Variants in OR2C1 observed in about 807,000 individuals in gnomAD.
The protein encoded by OR2C1 is olfactory receptor 2C1.
For synonymous variants in OR2C1, 209 were observed against 167.3 expected (o/e 1.25, Z -1.92); for missense variants, 468 against 388.3 (o/e 1.21, Z -1.73).
chr16:3,349,821 G>C, the OR2C1 span, among the ~76,000 whole-genome samples: 1 of 151,792 alleles, frequency 6.6e-6, no homozygotes, highest in African/African-American at 2.4e-5. Flanking sequence ...AGAATAGCTT[G>C]AACCCAGGAG....
chr16:3,329,615 A>G, the OR2C1 span, among the ~76,000 whole-genome samples: 1 of 151,224 alleles, frequency 6.6e-6, no homozygotes, highest in African/African-American at 2.4e-5. Flanking sequence ...ACACCCGGCT[A>G]ATTTTTTGTA....
chr16:3,326,871 A>G, the OR2C1 span, among the ~76,000 whole-genome samples: 4 of 152,294 alleles, frequency 2.6e-5, no homozygotes, highest in South Asian at 2.1e-4. Context: ...AGCAGAATAG[A>G]GTGATAGAAA....
chr16:3,331,048 G>A, the OR2C1 span, among the ~76,000 whole-genome samples: 1 of 152,174 alleles, frequency 6.6e-6, no homozygotes, highest in Non-Finnish European at 1.5e-5. Context: ...TCCAGCACCT[G>A]TTGTTTCCTG....
upstream of OR2C1, among the ~76,000 whole-genome samples, chr16:3,352,479 T>C (rs867974309): frequency 6.6e-6 from 1 of 152,232 alleles, no homozygotes; most frequent in Non-Finnish European, 1.5e-5. Flanking sequence ...TTTAAACTTA[T>C]GAGTTTGAAT....
At chr16:3,323,364 G>C in the OR2C1 span, 2,641 of 1,060,406 alleles carry the variant, frequency 2.5e-3, 89 homozygotes, top group South Asian at 0.032. Context: ...TCATGAATGA[G>C]GTCTTCCAAG....
chr16:3,352,374 C>T (rs1207026311), upstream of OR2C1, among the ~76,000 whole-genome samples: 1 of 152,120 alleles, frequency 6.6e-6, no homozygotes, highest in Non-Finnish European at 1.5e-5. Flanking sequence ...CTCGGCCTCC[C>T]AAAGTGTTGG....
the OR2C1 span, among the ~76,000 whole-genome samples, chr16:3,346,568 A>C: frequency 6.6e-6 from 1 of 151,632 alleles, no homozygotes; most frequent in African/African-American, 2.4e-5. Flanking sequence ...ATTTTAAAAA[A>C]TGTTTAACTT....
chr16:3,353,985 T>TTC (rs199887095), upstream of OR2C1, among the ~76,000 whole-genome samples: 1,609 of 119,642 alleles, frequency 0.013, 24 homozygotes, highest in African/African-American at 0.047. Context: ...TTTCTTTTCT[T>TTC]TTTTTTTTTT....
chr16:3,334,498 G>A, the OR2C1 span, among the ~76,000 whole-genome samples: 6 of 147,194 alleles, frequency 4.1e-5, no homozygotes, highest in South Asian at 2.2e-4. Flanking sequence ...GGCTGGTCTC[G>A]AACTCCTGGA....
chr16:3,357,112 T>C lies in OR2C1; in HGVS notation c.*233T>C, dbSNP rs572697966. The C allele has an allele frequency of 7.7e-4, 375 of 489,774 alleles. 1 individual carries two copies. Among genetic ancestry groups the C allele is most frequent in the Non-Finnish European group, 1.2e-3 (325 of 266,216 alleles). The allele number at this position is 489,774 out of a possible 1,614,324, so 30.3% of individuals were successfully genotyped here. On this transcript the variant is annotated 3_prime_UTR_variant, in exon 1 of 1. Transcript: ENST00000304936. ...GACTACCGATAGCAGGGGAGACATG[T>C]TGTTGAGGGCTCAGAGGTTATTGAC...
chr16:3,350,632 C>T, the OR2C1 span, among the ~76,000 whole-genome samples: 11 of 149,508 alleles, frequency 7.4e-5, no homozygotes, highest in South Asian at 6.4e-4. Context: ...AGGATGGTCT[C>T]GATCTCCTGA....
At chr16:3,333,281 G>A in the OR2C1 span, among the ~76,000 whole-genome samples, 43 of 71,156 alleles carry the variant, frequency 6.0e-4, no homozygotes, top group South Asian at 1.6e-3. Context: ...TTATATTATT[G>A]GTTTTTAGTT....
the OR2C1 span, among the ~76,000 whole-genome samples, chr16:3,334,241 G>C: frequency 6.6e-6 from 1 of 151,360 alleles, no homozygotes; most frequent in South Asian, 2.1e-4. Flanking sequence ...GGGTTCCAGT[G>C]ATTCTCCCGC....
the OR2C1 span, among the ~76,000 whole-genome samples, chr16:3,332,082 G>T: frequency 4.2e-5 from 5 of 120,212 alleles, no homozygotes; most frequent in Admixed American, 9.4e-5. Context: ...GTTGTGGGGT[G>T]GGGGGAGGGG....
rs745587784 is a variant in OR2C1, at chr16:3,356,764, C to A, written c.824C>A (p.Ser275Tyr). ...AAACAGGACCAGGGCAAGTTCATTT[C>A]CCTGTTCTACTCGTTGGTCACACCC... ...NSKQDQGKFI[S>Y]LFYSLVTPMV... The change falls in exon 1 of 1, where the codon TCC becomes TAC. Residue 275 changes from serine (S) to tyrosine (Y), a missense_variant. Physicochemically the swap from Ser to Tyr is moderately radical, Grantham distance 144 (BLOSUM62 -2). Transcript: ENST00000304936. 2 of 1,614,074 alleles carry A rather than the reference C, an allele frequency of 1.2e-6. No homozygotes were observed. Among genetic ancestry groups the A allele is most frequent in the African/African-American group, 2.7e-5 (2 of 74,932 alleles).
chr16:3,344,071 A>G, the OR2C1 span, among the ~76,000 whole-genome samples: 2 of 152,016 alleles, frequency 1.3e-5, no homozygotes, highest in East Asian at 1.9e-4. Context: ...ATACAAAAAC[A>G]TTAGTCGAGT....
At chr16:3,341,421 G>T in the OR2C1 span, among the ~76,000 whole-genome samples, 1 of 151,876 alleles carries the variant, frequency 6.6e-6, no homozygotes, top group African/African-American at 2.4e-5. Flanking sequence ...TTTCTAATTT[G>T]GTTGCTTTAA....
the OR2C1 span, among the ~76,000 whole-genome samples, chr16:3,344,720 T>C: frequency 9.4e-6 from 1 of 105,926 alleles, no homozygotes; most frequent in Non-Finnish European, 1.9e-5. Context: ...AGAGTGAGAC[T>C]CTGTCTCAAA....
At chr16:3,331,650 T>C in the OR2C1 span, among the ~76,000 whole-genome samples, 1 of 152,078 alleles carries the variant, frequency 6.6e-6, no homozygotes, top group African/African-American at 2.4e-5. Flanking sequence ...AGAGAATCCT[T>C]TCCCCATTGC....
Sources: allele counts gnomAD v4.1 joint callset (sites outside exome capture counted in the v4.1 genomes callset), GRCh38; gene constraint gnomAD v4.1.1; transcripts MANE v1.5; gene names NCBI Gene and HGNC (gene_info 2026-07-23, HGNC 2026-07-21).